Variants in DGKB observed in about 807,000 individuals in gnomAD.
The protein encoded by DGKB is diacylglycerol kinase beta, also known as 90 kDa diacylglycerol kinase.
DGKB carries 67 observed loss-of-function variants against 114.3 expected under a neutral mutation model. The observed-to-expected ratio is 0.59, with a 90% confidence interval of 0.48 to 0.72. DGKB has a LOEUF of 0.72. DGKB is among the 30% of genes least tolerant of loss of function. DGKB has a pLI of 0.00. For missense variants in DGKB, 907 were observed against 975.2 expected (o/e 0.93, Z 0.93); for synonymous variants, 398 against 323.1 (o/e 1.23, Z -2.49).
intron 21 of DGKB, among the ~76,000 whole-genome samples, chr7:14,406,146 C>T (rs1823895623): frequency 6.6e-6 from 1 of 151,970 alleles, no homozygotes; most frequent in Admixed American, 6.6e-5. Flanking sequence ...GAAAATTTCC[C>T]TTAATCCCTC....
intron 20 of DGKB, among the ~76,000 whole-genome samples, chr7:14,484,908 G>A (rs980952369): frequency 1.3e-5 from 2 of 152,072 alleles, no homozygotes; most frequent in South Asian, 2.1e-4. Flanking sequence ...TAAATTGGGA[G>A]AAGAGTTTAA....
chr7:14,800,352 A>C (rs921620938), intron 2 of DGKB, among the ~76,000 whole-genome samples: 2 of 152,190 alleles, frequency 1.3e-5, no homozygotes, highest in Non-Finnish European at 2.9e-5. Context: ...TGACAAAAGA[A>C]ATTAACATTT....
chr7:14,795,878 GA>G (rs1450415977), intron 2 of DGKB, among the ~76,000 whole-genome samples: 2 of 152,082 alleles, frequency 1.3e-5, no homozygotes, highest in East Asian at 3.9e-4. Context: ...AGCATATTAT[GA>G]AAAACTATGC....
chr7:14,190,799 G>A (rs1784186020), intron 23 of DGKB: 1 of 152,392 alleles, frequency 6.6e-6, no homozygotes, highest in African/African-American at 2.4e-5. Context: ...AGTCAAATGG[G>A]AAAGAAAAGA....
chr7:14,285,354 T>A lies in DGKB; in HGVS notation c.2122+53161A>T, dbSNP rs148025813. 2.3e-4 allele frequency among the ~76,000 whole-genome samples: 35 copies of A among 152,262 alleles called. 1 individual carries two copies. The South Asian group carries it at 4.6e-3, about 20-fold the overall frequency. ...CTAATAGAGGGGCTACAAATTACTA[T>A]TGGAGCAAAGAGGTGGGAGGATGTA... On this transcript the variant is annotated intron_variant, in intron 23 of 25. Coordinates refer to ENST00000402815, the MANE Select transcript of DGKB (RefSeq NM_001350709.2).
At chr7:14,608,195 C>T (rs56179533) in intron 16 of DGKB, among the ~76,000 whole-genome samples, 1 of 151,796 alleles carries the variant, frequency 6.6e-6, no homozygotes, top group African/African-American at 2.4e-5. Context: ...TAGACAAATA[C>T]TAAAAGTAAA....
At chr7:14,436,463 G>T (rs540708844) in intron 21 of DGKB, among the ~76,000 whole-genome samples, 1 of 150,066 alleles carries the variant, frequency 6.7e-6, no homozygotes, top group African/African-American at 2.4e-5. Flanking sequence ...GAGAATTCCT[G>T]CCCTCTCTCT....
At chr7:14,843,375 C>T (rs1473279966) in intron 1 of DGKB, among the ~76,000 whole-genome samples, 10 of 121,898 alleles carry the variant, frequency 8.2e-5, no homozygotes, top group African/African-American at 1.3e-4. Context: ...TCGCCCAGGC[C>T]GGACTGCGGA....
At chr7:14,380,933 T>C (rs1455244811) in intron 21 of DGKB, among the ~76,000 whole-genome samples, 1 of 152,224 alleles carries the variant, frequency 6.6e-6, no homozygotes, top group Non-Finnish European at 1.5e-5. Flanking sequence ...TAATTAAGGT[T>C]AAGAACTTTA....
At chr7:14,491,053 G>T (rs2128932315) in intron 20 of DGKB, among the ~76,000 whole-genome samples, 1 of 151,974 alleles carries the variant, frequency 6.6e-6, no homozygotes, top group South Asian at 2.1e-4. Context: ...CAGCTCCCTA[G>T]AAGTGAGAAT....
intron 23 of DGKB, among the ~76,000 whole-genome samples, chr7:14,241,680 A>G (rs1255007606): frequency 1.3e-5 from 2 of 152,176 alleles, no homozygotes; most frequent in East Asian, 3.9e-4. Flanking sequence ...TTATTTCCCT[A>G]AACCCCAGGG....
chr7:14,210,201 C>G (rs961164615), intron 23 of DGKB, among the ~76,000 whole-genome samples: 6 of 152,024 alleles, frequency 3.9e-5, no homozygotes, highest in Admixed American at 3.9e-4. Context: ...TAGTCCACCA[C>G]TATCCATTAG....
At chr7:14,968,034 T>C (rs989421188) in intron 1 of DGKB, among the ~76,000 whole-genome samples, 4 of 152,198 alleles carry the variant, frequency 2.6e-5, no homozygotes, top group Non-Finnish European at 4.4e-5. Flanking sequence ...CTCCATATAG[T>C]AGAGAAATTC....
intron 2 of DGKB, among the ~76,000 whole-genome samples, chr7:14,766,789 G>A (rs987072354): frequency 6.6e-6 from 1 of 151,810 alleles, no homozygotes; most frequent in Non-Finnish European, 1.5e-5. Context: ...GAAAAGAGAT[G>A]CAATCTGCTA....
chr7:14,378,035 G>A (rs557340831), intron 21 of DGKB, among the ~76,000 whole-genome samples: 87 of 152,222 alleles, frequency 5.7e-4, no homozygotes, highest in Non-Finnish European at 1.0e-3. Flanking sequence ...TGATTCTGGA[G>A]TATAGTAGAA....
At chr7:14,555,401 A>C (rs2128654925) in intron 20 of DGKB, among the ~76,000 whole-genome samples, 1 of 152,356 alleles carries the variant, frequency 6.6e-6, no homozygotes, top group East Asian at 1.9e-4. Context: ...ACATTATTTC[A>C]GAATATTTTA....
chr7:14,182,165 A>G (rs1333859363), intron 23 of DGKB, among the ~76,000 whole-genome samples: 1 of 152,162 alleles, frequency 6.6e-6, no homozygotes, highest in African/African-American at 2.4e-5. Context: ...CGTTTTAATT[A>G]TCCACAATAC....
intron 5 of DGKB, among the ~76,000 whole-genome samples, chr7:14,725,557 A>ATT (rs113491345): frequency 1.4e-5 from 2 of 145,890 alleles, no homozygotes; most frequent in African/African-American, 5.0e-5. Context: ...GGATATGTTG[A>ATT]TTTTTTTTTT....
At chr7:14,266,517 A>G (rs1310366108) in intron 23 of DGKB, among the ~76,000 whole-genome samples, 1 of 152,212 alleles carries the variant, frequency 6.6e-6, no homozygotes, top group Non-Finnish European at 1.5e-5. Flanking sequence ...GTCTCTGAAA[A>G]ATGTTTATAG....
Sources: gnomAD v4.1 joint callset for allele counts (sites outside exome capture counted in the v4.1 genomes callset) on GRCh38, gnomAD v4.1.1 for gene constraint, MANE v1.5 for transcripts, NCBI Gene and HGNC (gene_info 2026-07-23, HGNC 2026-07-21) for gene names.